YJU2B: variants seen among roughly 807,000 people sequenced by gnomAD.
The protein encoded by YJU2B is probable splicing factor YJU2B.
In YJU2B, 18 loss-of-function variants were observed where a neutral mutation model predicts 38.0. The observed-to-expected ratio is 0.47, with a 90% CI of 0.33 to 0.70. YJU2B has a LOEUF of 0.70. Among genes scored for constraint, YJU2B ranks in the 30% least tolerant of loss-of-function variants. The pLI is 0.02. For missense variants in YJU2B, 538 were observed against 556.3 expected, an observed-to-expected ratio of 0.97 and a Z score of 0.33; for synonymous variants, 246 against 225.4, an observed-to-expected ratio of 1.09 and a Z score of -0.82.
At chr19:13,757,279 G>A (rs748978476) in intron 4 of YJU2B, 139 bp from the exon 5 acceptor site, 1 of 642,916 alleles carries the variant, frequency 1.6e-6, no homozygotes, top group Non-Finnish European at 2.8e-6. Context: ...CCTGTGTAAT[G>A]TGAGTGCAGC....
chr19:13,746,991 G>A (rs1240180463), upstream of YJU2B, among the ~76,000 whole-genome samples: 1 of 151,972 alleles, frequency 6.6e-6, no homozygotes, highest in Non-Finnish European at 1.5e-5. Flanking sequence ...GAGGGTAAGG[G>A]GAGAAATTGT....
chr19:13,760,585 TTTTA>T (rs1045466299), intron 8 of YJU2B, among the ~76,000 whole-genome samples: 4 of 151,872 alleles, frequency 2.6e-5, no homozygotes, highest in African/African-American at 9.7e-5. Flanking sequence ...GGTTGCCTCC[TTTTA>T]TTTATTTATT....
chr19:13,742,217 G>T (rs1973111916), intron 2 of YJU2B, among the ~76,000 whole-genome samples: 1 of 149,906 alleles, frequency 6.7e-6, no homozygotes, highest in Non-Finnish European at 1.5e-5. Context: ...CCTCAAAACT[G>T]CCTACATTCC....
rs573780187 is a variant in YJU2B at position 13,737,175 on chromosome 19, A to G, written c.-202+4890A>G. Among the ~76,000 whole-genome samples the G allele has an allele frequency of 3.3e-5, 5 of 152,286 alleles. No homozygotes were observed. The South Asian group carries it at 1.0e-3, about 32-fold the overall frequency. On this transcript the variant is annotated intron_variant, in intron 2 of 10. Transcript: ENST00000586600. ...CCACGCTATCTGTGACTATAAGCAC[A>G]TGACAACACCCAGCCTAGTTTTTAA...
At position 13,751,814 on chromosome 19, in the gene YJU2B, G is replaced by C. The variant is rs761539152; in HGVS notation, c.3+3G>C. ...ACCAGTAGGCAGCTCCCAAGATGGTGAGTAGACAGCCTCGTGTGCCCTGGG... is the reference window on the plus strand; with the variant it reads ...ACCAGTAGGCAGCTCCCAAGATGGTCAGTAGACAGCCTCGTGTGCCCTGGG... On this transcript the variant is annotated splice_donor_region_variant and intron_variant, in intron 2 of 9. Transcript: ENST00000221554. 6.2e-7 allele frequency: 1 copy of C among 1,614,098 alleles called. No homozygotes were observed. Among genetic ancestry groups the C allele is most frequent in the Admixed American group, 1.7e-5 (1 of 60,012 alleles).
In YJU2B at chr19:13,758,683, C is replaced by T. The variant is rs990918691; in HGVS notation, c.258-185C>T. 5.9e-5 allele frequency among the ~76,000 whole-genome samples: 9 copies of T among 152,254 alleles called. No homozygotes were observed. In the South Asian group the frequency reaches 1.9e-3, roughly 32 times the overall value. On this transcript the variant is annotated intron_variant, in intron 6 of 9. Transcript: ENST00000221554. ...AATAAGCCAACTGCAGCCCCACTGACAGAAGGTCCGTTCTGGGTGCCCGGA... is the reference window on the plus strand; with the variant it reads ...AATAAGCCAACTGCAGCCCCACTGATAGAAGGTCCGTTCTGGGTGCCCGGA...
chr19:13,758,987 A>G lies in YJU2B; in HGVS notation c.377A>G (p.Asp126Gly), dbSNP rs1973774799. 1.9e-6 allele frequency: 3 copies of G among 1,613,760 alleles called. No individual in the cohort carries two copies. In the Admixed American group the frequency reaches 5.0e-5, roughly 27 times the overall value. ...AAGGAGGAGCGCTGGGACATGGCGG[A>G]CAATGAGCAGGTGCTGACCACAGGT... ...QRKEERWDMA[D>G]NEQVLTTEHE... The change falls in exon 7 of 10, where the codon GAC (aspartate) becomes GGC (glycine). Residue 126 changes from aspartate to glycine, a missense_variant. Coordinates refer to ENST00000221554, the MANE Select transcript of YJU2B (RefSeq NM_030818.4).
intron 1 of YJU2B, 83 bp downstream of exon 1, chr19:13,748,037 CCTTCCGCGTCGGG>C: frequency 6.6e-6 from 1 of 152,328 alleles, no homozygotes; most frequent in South Asian, 2.1e-4. Flanking sequence ...CCCGGCGCGC[CCTTCCGCGTCGGG>C]GGACGCGGAG....
At position 13,757,828 on chromosome 19, in the gene YJU2B, A is replaced by G; in HGVS notation, c.239A>G (p.Tyr80Cys). The G allele has an allele frequency of 2.5e-6, 4 of 1,614,032 alleles. No individual in the cohort carries two copies. The highest frequency in any genetic ancestry group is 3.4e-6 in the Non-Finnish European group (4 of 1,179,960). ...NAEKKKVGNY[Y>C]TTPIYRFRMK... ...GAAAAGAAGAAGGTGGGCAATTACT[A>G]CACAACCCCGATCTACAGGTAAGGG... The change falls in exon 6 of 10, where the codon TAC (tyrosine) becomes TGC (cysteine). Residue 80 changes from tyrosine (Y) to cysteine (C), a missense_variant. This residue lies in a region of YJU2B where 488 missense variants were observed against 469.5 expected (regional missense o/e 1.04). Transcript: ENST00000221554.
chr19:13,752,317 C>G (rs146620706), intron 2 of YJU2B, among the ~76,000 whole-genome samples: 1 of 143,984 alleles, frequency 6.9e-6, no homozygotes, highest in Non-Finnish European at 1.5e-5. Flanking sequence ...ATAAAATTAA[C>G]CATTGCAAGG....
chr19:13,736,254 C>CTTTT (rs60385996), intron 2 of YJU2B, among the ~76,000 whole-genome samples: 589 of 104,138 alleles, frequency 5.7e-3, no homozygotes, highest in Non-Finnish European at 7.3e-3. Context: ...TTCTTTCTTT[C>CTTTT]TTTTTTTTTT....
chr19:13,735,490 C>T (rs1972919205), intron 2 of YJU2B, among the ~76,000 whole-genome samples: 1 of 151,842 alleles, frequency 6.6e-6, no homozygotes, highest in Non-Finnish European at 1.5e-5. Context: ...CGTCCCCCAC[C>T]AGAAGTTATT....
intron 1 of YJU2B, among the ~76,000 whole-genome samples, chr19:13,750,855 C>G (rs1434984058): frequency 1.0e-5 from 1 of 97,552 alleles, no homozygotes; most frequent in East Asian, 4.0e-4. Context: ...GAGACTCCGT[C>G]TCAAAAAAAA....
At chr19:13,745,648 T>TAGATAGATAGAC (rs1215419020), upstream of YJU2B, among the ~76,000 whole-genome samples, 1 of 86,582 alleles carries the variant, frequency 1.2e-5, no homozygotes, top group Non-Finnish European at 2.2e-5. Context: ...CAAAACTCCA[T>TAGATAGATAGAC]AGATAGATAG....
intron 3 of YJU2B, 39 bp downstream of exon 3, chr19:13,754,381 A>T (rs1352126989): frequency 6.5e-7 from 1 of 1,541,692 alleles, no homozygotes; most frequent in Non-Finnish European, 9.0e-7. Flanking sequence ...AGTAGCAAAA[A>T]GACCCACGTC....
chr19:13,750,857 C>CAAAAAA (rs908775840), intron 1 of YJU2B, among the ~76,000 whole-genome samples: 2 of 62,028 alleles, frequency 3.2e-5, no homozygotes, highest in African/African-American at 6.3e-5. Flanking sequence ...GACTCCGTCT[C>CAAAAAA]AAAAAAAAAA....
At chr19:13,743,423 T>C (rs1220576630), upstream of YJU2B, among the ~76,000 whole-genome samples, 3 of 146,932 alleles carry the variant, frequency 2.0e-5, no homozygotes, top group African/African-American at 7.6e-5. Flanking sequence ...CTACTAAAAA[T>C]ACAAACATTA....
chr19:13,733,567 C>G (rs930024488), intron 2 of YJU2B, among the ~76,000 whole-genome samples: 1 of 151,974 alleles, frequency 6.6e-6, no homozygotes, highest in Non-Finnish European at 1.5e-5. Context: ...ACTAAAAATA[C>G]AAAATTAGCT....
chr19:13,744,947 CAT>C (rs1259485532), upstream of YJU2B, among the ~76,000 whole-genome samples: 3 of 150,372 alleles, frequency 2.0e-5, no homozygotes, highest in African/African-American at 4.9e-5. Context: ...GAGCCGAGAT[CAT>C]GCCACTGCAC....
Sources: gnomAD v4.1 joint callset for allele counts (sites outside exome capture counted in the v4.1 genomes callset) on GRCh38, gnomAD v4.1.1 for gene constraint, gnomAD v4.1.1 regional missense constraint, MANE v1.5 for transcripts, NCBI Gene and HGNC (gene_info 2026-07-23, HGNC 2026-07-21) for gene names.